MINK1: variants seen among roughly 807,000 people sequenced by gnomAD.
MINK1 encodes misshapen-like kinase 1.
MINK1 carries 46 observed loss-of-function variants against 178.4 expected under a neutral mutation model. The ratio of observed to expected loss-of-function variants is 0.26; its 90% CI spans 0.20 to 0.33. The LOEUF is 0.33. MINK1 is among the 10% of genes least tolerant of loss of function. MINK1 has a pLI of 1.00. For synonymous variants in MINK1, 797 were observed against 709.7 expected (o/e 1.12, Z -1.96); for missense variants, 1,366 against 1,814.9 (o/e 0.75, Z 4.49).
intron 13 of MINK1, 94 bp from the exon 14 acceptor site, chr17:4,890,423 C>T (rs1968673015): frequency 3.4e-6 from 5 of 1,491,374 alleles, no homozygotes; most frequent in East Asian, 2.5e-5. Context: ...GAATACATCT[C>T]CTCTCTAGGC....
intron 20 of MINK1, 75 bp downstream of exon 20, chr17:4,893,142 G>A: frequency 6.6e-7 from 1 of 1,513,184 alleles, no homozygotes; most frequent in Non-Finnish European, 9.0e-7. Flanking sequence ...GGGTGTCAGG[G>A]GTGGGGTCTC....
Position 4,893,439 on chromosome 17 carries a change from T to G in MINK1, c.2406T>G (p.Phe802Leu). The G allele has an allele frequency of 3.8e-6, 6 of 1,595,150 alleles. 1 individual carries two copies. The highest frequency in any genetic ancestry group is 4.3e-6 in the Non-Finnish European group (5 of 1,164,846). Residue 802 changes from phenylalanine (F) to leucine (L), a missense_variant, in exon 21 of 32, where the codon TTT becomes TTG. Coordinates refer to ENST00000355280, the MANE Select transcript of MINK1 (RefSeq NM_153827.5). ...HRSRPGRPADFVLLKERTLDE... is the reference protein window; with the variant it reads ...HRSRPGRPADLVLLKERTLDE... ...CACGTGGCTCCTCCCTGCAGGACTT[T>G]GTGTTGCTGAAAGAGCGGACTCTGG...
rs750703406 is a variant in MINK1 at position 4,892,758 on chromosome 17, C to T, written c.2301C>T (p.Asn767=). Residue 767 remains asparagine (N), a synonymous_variant, in exon 19 of 32, where the codon AAC becomes AAT. Transcript: ENST00000355280. ...HLPQAGSLER[N]RVGVSSKPDS... is the part of the protein sequence containing the mutation. ...CCCAGGCTGGCTCACTGGAGCGGAA[C>T]CGCGTGGGAGGTATGTGAGCCAGGG... 1 of 1,608,230 alleles carries T rather than the reference C, an allele frequency of 6.2e-7. No individual in the cohort carries two copies. The highest frequency in any genetic ancestry group is 1.3e-5 in the African/African-American group (1 of 75,024).
At chr17:4,891,200 G>GCGCGCACA (rs781594150) in intron 15 of MINK1, 76 bp downstream of exon 15, 30 of 1,004,088 alleles carry the variant, frequency 3.0e-5, no homozygotes, top group East Asian at 2.5e-4. Flanking sequence ...ACACACGCGC[G>GCGCGCACA]CACACACACA....
At chr17:4,880,895 G>C in intron 2 of MINK1, 89 bp from the exon 3 acceptor site, 2 of 1,317,048 alleles carry the variant, frequency 1.5e-6, no homozygotes, top group South Asian at 1.6e-5. Context: ...GCGAGACCCT[G>C]TCTCAAAAAA....
rs544278556 is a variant in MINK1, at chr17:4,889,773, C to A, written c.1347+10C>A. ...GGCGGAGCGCGAGCAGGTAGAGCGCCGCACCCGCATCCCTGCCCTCCCGCC... is the reference window on the plus strand; with the variant it reads ...GGCGGAGCGCGAGCAGGTAGAGCGCAGCACCCGCATCCCTGCCCTCCCGCC... On this transcript the variant is annotated intron_variant, in intron 13 of 31. Coordinates refer to ENST00000355280, the MANE Select transcript of MINK1 (RefSeq NM_153827.5). 112 of 1,521,620 alleles carry A rather than the reference C, an allele frequency of 7.4e-5. 1 individual carries two copies. In the Admixed American group the frequency reaches 2.2e-3, roughly 30 times the overall value. 94.3% of individuals were successfully genotyped at this position (1,521,620 alleles called of 1,614,324 possible). A position where few individuals can be genotyped will look rare whatever the true frequency, so the allele number is the denominator to read the frequency against.
chr17:4,891,200 G>GCGCGCACACACACACA (rs781594150), intron 15 of MINK1, 76 bp downstream of exon 15: 4 of 1,004,128 alleles, frequency 4.0e-6, no homozygotes, highest in Middle Eastern at 3.4e-4. Flanking sequence ...ACACACGCGC[G>GCGCGCACACACACACA]CACACACACA....
Position 4,894,384 on chromosome 17 carries a change from A to G in MINK1, c.2808+73A>G. ...TGGGCAGGAGGTCCCGGTGCTGGGT[A>G]ACGGCAGAGGATGGGGCGGAGCGCT... On this transcript the variant is annotated intron_variant, in intron 23 of 31. Coordinates refer to ENST00000355280, the MANE Select transcript of MINK1 (RefSeq NM_153827.5). The surrounding 1 kb of genome is among the most constrained non-coding windows in gnomAD (Gnocchi z 4.1). 1 of 1,563,512 alleles carries G rather than the reference A, an allele frequency of 6.4e-7. No individual in the cohort carries two copies. The highest frequency in any genetic ancestry group is 8.7e-7 in the Non-Finnish European group (1 of 1,154,466).
chr17:4,885,723 A>T lies in MINK1; in HGVS notation c.639+110A>T. ...CAGAGGAAGGTCAGATGATGTTAGCAGTGAGGGGCTGGGGAACATCTTACG... is the reference window on the plus strand; with the variant it reads ...CAGAGGAAGGTCAGATGATGTTAGCTGTGAGGGGCTGGGGAACATCTTACG... On this transcript the variant is annotated intron_variant, in intron 7 of 31. Transcript: ENST00000355280. This position sits in a 1 kb window ranked among gnomAD's most constrained non-coding sequence, Gnocchi z 5.0. 1.3e-6 allele frequency: 2 copies of T among 1,490,516 alleles called. No homozygotes were observed. Among genetic ancestry groups the T allele is most frequent in the East Asian group, 4.6e-5 (2 of 43,208 alleles). The allele number at this position is 1,490,516 out of a possible 1,614,324, so 92.3% of individuals were successfully genotyped here.
In MINK1 at chr17:4,884,226, C is replaced by T. The variant is rs994329732; in HGVS notation, c.307-137C>T. 8 of 650,302 alleles carry T rather than the reference C, an allele frequency of 1.2e-5. No homozygotes were observed. In the African/African-American group the frequency reaches 1.3e-4, roughly 10 times the overall value. 40.3% of individuals were successfully genotyped at this position (650,302 alleles called of 1,614,324 possible). ...GTGGCCTTTGTGAGGCTTCTGTGGC[C>T]CTTGCTCTCTAGCTCATACCAGTTC... is the stretch of plus-strand genomic sequence containing the variant. On this transcript the variant is annotated intron_variant, in intron 4 of 31. Coordinates refer to ENST00000355280, the MANE Select transcript of MINK1 (RefSeq NM_153827.5).
intron 12 of MINK1, 116 bp from the exon 13 acceptor site, chr17:4,889,531 G>A (rs571390258): frequency 5.6e-6 from 5 of 896,634 alleles, no homozygotes; most frequent in South Asian, 4.3e-5. Flanking sequence ...AGCGGAAGCC[G>A]GTCTCTCTTA....
intron 1 of MINK1, among the ~76,000 whole-genome samples, chr17:4,871,943 C>T (rs1915906019): frequency 1.3e-5 from 2 of 152,146 alleles, no homozygotes; most frequent in South Asian, 2.1e-4. Context: ...AACTCCTGGA[C>T]TTATAGGATC....
At chr17:4,865,750 A>C (rs997212104) in intron 1 of MINK1, among the ~76,000 whole-genome samples, 2 of 145,920 alleles carry the variant, frequency 1.4e-5, no homozygotes, top group Non-Finnish European at 3.0e-5. Flanking sequence ...GCCAGTATCC[A>C]GGCAGAGTGG....
rs994873231 is a variant in MINK1 at position 4,896,524 on chromosome 17, C to T, written c.3711C>T (p.Val1237=). Residue 1237 remains valine, a synonymous_variant, in exon 30 of 32, where the codon GTC becomes GTT. Transcript: ENST00000355280. The surrounding 1 kb of genome is among the most constrained non-coding windows in gnomAD (Gnocchi z 4.6). The part of the protein sequence containing the change: ...LLCYEDEGVY[V]NTYGRIIKDV... ...GCTACGAGGACGAGGGTGTCTACGTCAACACGTACGGGCGCATCATTAAGG... is the reference window on the plus strand; with the variant it reads ...GCTACGAGGACGAGGGTGTCTACGTTAACACGTACGGGCGCATCATTAAGG... 5.0e-6 allele frequency: 8 copies of T among 1,613,846 alleles called. No homozygotes were observed. Among genetic ancestry groups the T allele is most frequent in the African/African-American group, 1.3e-5 (1 of 74,918 alleles).
chr17:4,896,640 G>A lies in MINK1; in HGVS notation c.3776-34G>A, dbSNP rs374356365. 2.5e-5 allele frequency: 41 copies of A among 1,609,320 alleles called. No homozygotes were observed. Among genetic ancestry groups the A allele is most frequent in the Admixed American group, 5.0e-5 (3 of 59,766 alleles). ...ACATGCCCCGAGGTGGCCCCGGGGT[G>A]CAGCCTGCTCAGCCCCTCACCTGTT... is the stretch of plus-strand genomic sequence containing the variant. On this transcript the variant is annotated intron_variant, in intron 30 of 31. Coordinates refer to ENST00000355280, the MANE Select transcript of MINK1 (RefSeq NM_153827.5). This position sits in a 1 kb window ranked among gnomAD's most constrained non-coding sequence, Gnocchi z 4.6.
chr17:4,877,393 G>A (rs1001766500), intron 1 of MINK1, among the ~76,000 whole-genome samples: 2 of 152,108 alleles, frequency 1.3e-5, no homozygotes, highest in African/African-American at 4.8e-5. Flanking sequence ...CCTTCTCAGA[G>A]GCCCTTTCTC....
At position 4,892,999 on chromosome 17, in the gene MINK1, TC is replaced by T. The variant is rs1260588628; in HGVS notation, c.2336del (p.Pro779LeufsTer27). ...TCCAGTCTCCTCCAAACCGGACAGC[TC>T]CCCTGTGCTCTCCCCTGGGAATAAA... Reference protein sequence around the residue: ...RVGVSSKPDSSPVLSPGNKAK... With the variant: ...RVGVSSKPDSXPVLSPGNKAK... On this transcript the variant is annotated frameshift_variant, in exon 20 of 32. Coordinates refer to ENST00000355280, the MANE Select transcript of MINK1 (RefSeq NM_153827.5). LOFTEE classifies it high-confidence loss of function. 6.3e-7 allele frequency: 1 copy of T among 1,577,270 alleles called. No homozygotes were observed. The highest frequency in any genetic ancestry group is 8.6e-7 in the Non-Finnish European group (1 of 1,163,046).
intron 4 of MINK1, 136 bp downstream of exon 4, chr17:4,881,393 C>T: frequency 9.7e-7 from 1 of 1,028,272 alleles, no homozygotes; most frequent in Non-Finnish European, 1.4e-6. Flanking sequence ...TCCCCTGTCC[C>T]TGGACCCAGA....
intron 1 of MINK1, among the ~76,000 whole-genome samples, chr17:4,872,364 C>T (rs1021593595): frequency 2.7e-5 from 4 of 150,662 alleles, no homozygotes; most frequent in Non-Finnish European, 4.4e-5. Flanking sequence ...CAGAGTCAGG[C>T]ATGGTGCCTC....
Sources: allele counts gnomAD v4.1 joint callset (sites outside exome capture counted in the v4.1 genomes callset), GRCh38; gene constraint gnomAD v4.1.1; non-coding constraint Gnocchi (gnomAD v3.1); transcripts MANE v1.5; gene names NCBI Gene and HGNC (gene_info 2026-07-23, HGNC 2026-07-21).